The following HIBCH variants were observed in gnomAD, a reference collection of about 807,000 sequenced individuals.
HIBCH encodes 3-hydroxyisobutyryl-CoA hydrolase.
Under a neutral mutation model 58.2 loss-of-function variants are expected in HIBCH, and 50 were observed. The ratio of observed to expected loss-of-function variants is 0.86; its 90% CI spans 0.68 to 1.09. The LOEUF (loss-of-function observed/expected upper bound fraction) is 1.09, where lower values mean the gene tolerates loss of function less well. Among genes scored for constraint, HIBCH ranks in the 50% least tolerant of loss-of-function variants. The pLI is 0.00. For missense variants in HIBCH, 450 were observed against 449.7 expected, an observed-to-expected ratio of 1.00 and a Z score of -0.01; for synonymous variants, 151 against 146.9, an observed-to-expected ratio of 1.03 and a Z score of -0.20.
At chr2:190,241,869 G>A (rs866071011) in intron 11 of HIBCH, among the ~76,000 whole-genome samples, 3 of 152,172 alleles carry the variant, frequency 2.0e-5, no homozygotes, top group Non-Finnish European at 2.9e-5. Context: ...TGGGTAACCC[G>A]ACCTTTCTCT....
chr2:190,276,224 A>G (rs562722887), intron 6 of HIBCH, among the ~76,000 whole-genome samples: 1 of 152,332 alleles, frequency 6.6e-6, no homozygotes, highest in African/African-American at 2.4e-5. Context: ...AAAGTTAGCC[A>G]AAGCTTTAGC....
chr2:190,303,088 T>G (rs187865194), intron 2 of HIBCH, among the ~76,000 whole-genome samples: 66 of 152,294 alleles, frequency 4.3e-4, no homozygotes, highest in African/African-American at 1.4e-3. Flanking sequence ...AACCCTGACC[T>G]ATGGTACTGG....
chr2:190,301,749 G>A (rs575585629), intron 2 of HIBCH, among the ~76,000 whole-genome samples: 5 of 152,210 alleles, frequency 3.3e-5, no homozygotes, highest in Non-Finnish European at 5.9e-5. Context: ...ATCAAGGCAA[G>A]TTCAAGTTCG....
At chr2:190,283,723 C>T (rs1687763829) in intron 6 of HIBCH, among the ~76,000 whole-genome samples, 1 of 152,064 alleles carries the variant, frequency 6.6e-6, no homozygotes, top group Admixed American at 6.6e-5. Flanking sequence ...GTTGGGCATA[C>T]CTGATGGAAG....
At chr2:190,293,044 C>G (rs1687996414) in intron 4 of HIBCH, among the ~76,000 whole-genome samples, 1 of 152,106 alleles carries the variant, frequency 6.6e-6, no homozygotes. Context: ...GCTGTTATTT[C>G]CAAACATCAA....
At chr2:190,308,946 C>T (rs533162291) in intron 2 of HIBCH, among the ~76,000 whole-genome samples, 2 of 152,260 alleles carry the variant, frequency 1.3e-5, no homozygotes, top group South Asian at 4.1e-4. Context: ...AGCTGTGTGA[C>T]ATTTGGGCAT....
Position 190,298,174 on chromosome 2 carries a change from G to C in HIBCH, c.79-1221C>G, listed in dbSNP as rs187355942. On this transcript the variant is annotated intron_variant, in intron 2 of 13. Transcript: ENST00000359678. ...CTATTATTGATGGGCACCTGGTTTG[G>C]CTCCAAGTCTTTGCTATTGTAAATA... 4.1e-4 allele frequency among the ~76,000 whole-genome samples: 63 copies of C among 152,194 alleles called. No homozygotes were observed. The East Asian group carries it at 7.5e-3, about 18-fold the overall frequency.
chr2:190,220,147 T>C (rs981736328), intron 11 of HIBCH: 3 of 152,258 alleles, frequency 2.0e-5, no homozygotes, highest in East Asian at 1.9e-4. Context: ...AGTTCCAAGA[T>C]GTATCTATGA....
rs541856359 is a variant in HIBCH at position 190,225,797 on chromosome 2, G to T, written c.892-12722C>A. Among the ~76,000 whole-genome samples the T allele has an allele frequency of 3.3e-4, 50 of 152,126 alleles. 3 individuals carry two copies. In the South Asian group the frequency reaches 1.0e-2, roughly 30 times the overall value. On this transcript the variant is annotated intron_variant, in intron 11 of 13. Coordinates refer to ENST00000359678, the MANE Select transcript of HIBCH (RefSeq NM_014362.4). Reference sequence around the variant, plus strand: ...AGGCCAGCATCATCCTGATACCAAAGCCTGGTAGAGACACCACAAAAAAAG... The same window carrying T: ...AGGCCAGCATCATCCTGATACCAAATCCTGGTAGAGACACCACAAAAAAAG...
rs1388604312 is a variant in HIBCH, at chr2:190,215,401, A to ACT, written c.892-2328_892-2327dup. The ACT allele has an allele frequency of 6.6e-6, 1 of 152,122 alleles. No homozygotes were observed. The highest frequency in any genetic ancestry group is 2.4e-5 in the African/African-American group (1 of 41,414). The allele number at this position is 152,122 out of a possible 1,614,324, so 9.4% of individuals were successfully genotyped here. On this transcript the variant is annotated intron_variant, in intron 11 of 13. Coordinates refer to ENST00000359678, the MANE Select transcript of HIBCH (RefSeq NM_014362.4). This position sits in a 1 kb window ranked among gnomAD's most constrained non-coding sequence, Gnocchi z 4.4. Reference sequence around the variant, plus strand: ...AATAATTAAAGGGATTAAAAAGTCCACTCCTAGGACATAAAATGTCTCAAA... The same window carrying ACT: ...AATAATTAAAGGGATTAAAAAGTCCACTCTCCTAGGACATAAAATGTCTCAAA...
chr2:190,243,909 G>A lies in HIBCH; in HGVS notation c.891+978C>T, dbSNP rs977244669. 9.2e-5 allele frequency among the ~76,000 whole-genome samples: 14 copies of A among 152,210 alleles called. No individual in the cohort carries two copies. Among genetic ancestry groups the A allele is most frequent in the African/African-American group, 2.9e-4 (12 of 41,446 alleles). On this transcript the variant is annotated intron_variant, in intron 11 of 13. Transcript: ENST00000359678. This position sits in a 1 kb window ranked among gnomAD's most constrained non-coding sequence, Gnocchi z 4.1. ...TGCTTGAGCCTGGGAGGCTGAGGCTGCAGTGAGTTGTGATTGCACCACTGT... is the reference window on the plus strand; with the variant it reads ...TGCTTGAGCCTGGGAGGCTGAGGCTACAGTGAGTTGTGATTGCACCACTGT...
intron 4 of HIBCH, among the ~76,000 whole-genome samples, chr2:190,293,108 T>TCA (rs1232661663): frequency 6.6e-6 from 1 of 152,092 alleles, no homozygotes; most frequent in Non-Finnish European, 1.5e-5. Context: ...GCTAATAAAC[T>TCA]CAATACATAA....
chr2:190,222,241 G>A (rs1054764173), intron 11 of HIBCH, among the ~76,000 whole-genome samples: 7 of 152,194 alleles, frequency 4.6e-5, no homozygotes, highest in African/African-American at 1.7e-4. Flanking sequence ...CCTGTGAGGG[G>A]TGGAAAGTAG....
rs755751586 is a variant in HIBCH at position 190,294,022 on chromosome 2, G to GTGTATATATATATATA, written c.304+523_304+524insTATATATATATATACA. The stretch of plus-strand genomic sequence containing the variant: ...ATATTTTGTAATATATATTTTGTGT[G>GTGTATATATATATATA]TATATATATATATATATATATATAT... On this transcript the variant is annotated intron_variant, in intron 4 of 13. Transcript: ENST00000359678. Among the ~76,000 whole-genome samples, 100 of 82,966 alleles carry GTGTATATATATATATA rather than the reference G, an allele frequency of 1.2e-3. 1 individual carries two copies. Among genetic ancestry groups the GTGTATATATATATATA allele is most frequent in the Middle Eastern group, 7.0e-3 (1 of 142 alleles). The allele number at this position is 82,966 out of a possible 152,430, so 54.4% of individuals were successfully genotyped here.
intron 1 of HIBCH, among the ~76,000 whole-genome samples, chr2:190,317,059 G>A (rs1310027415): frequency 2.6e-5 from 4 of 152,158 alleles, no homozygotes; most frequent in Non-Finnish European, 4.4e-5. Flanking sequence ...AAGGATAGGC[G>A]TATGCCACCA....
intron 11 of HIBCH, among the ~76,000 whole-genome samples, chr2:190,241,724 C>CT (rs1470368023): frequency 6.6e-6 from 1 of 152,114 alleles, no homozygotes; most frequent in Non-Finnish European, 1.5e-5. Flanking sequence ...ACTTATGAAG[C>CT]TTAGTTTGGC....
rs1490572850 is a variant in HIBCH at position 190,210,347 on chromosome 2, CACTT to C, written c.1012-1438_1012-1435del. On this transcript the variant is annotated intron_variant, in intron 12 of 13. Coordinates refer to ENST00000359678, the MANE Select transcript of HIBCH (RefSeq NM_014362.4). The surrounding 1 kb of genome is among the most constrained non-coding windows in gnomAD (Gnocchi z 5.5). ...ACACCCTCCTCCCCGAAACATTCCT[CACTT>C]TCTTTTGTGACACTACACTCTCCTG... is the stretch of plus-strand genomic sequence containing the variant. 6.6e-6 allele frequency among the ~76,000 whole-genome samples: 1 copy of C among 152,206 alleles called. No homozygotes were observed. Among genetic ancestry groups the C allele is most frequent in the Non-Finnish European group, 1.5e-5 (1 of 68,034 alleles).
At chr2:190,271,828 T>C (rs557788402) in intron 6 of HIBCH, among the ~76,000 whole-genome samples, 11 of 152,306 alleles carry the variant, frequency 7.2e-5, no homozygotes, top group African/African-American at 2.4e-4. Context: ...GGCTTCTTGC[T>C]TACCTCTATG....
intron 11 of HIBCH, among the ~76,000 whole-genome samples, chr2:190,238,535 G>A (rs778170267): frequency 6.6e-6 from 1 of 152,138 alleles, no homozygotes; most frequent in Non-Finnish European, 1.5e-5. Context: ...GGTGATCTTG[G>A]CTCACTACAA....
Sources: allele counts gnomAD v4.1 joint callset (sites outside exome capture counted in the v4.1 genomes callset), GRCh38; gene constraint gnomAD v4.1.1; non-coding constraint Gnocchi (gnomAD v3.1); transcripts MANE v1.5; gene names NCBI Gene and HGNC (gene_info 2026-07-23, HGNC 2026-07-21).